ELL2: variants seen among roughly 807,000 people sequenced by gnomAD.
ELL2 encodes RNA polymerase II elongation factor ELL2.
In ELL2, 21 loss-of-function variants were observed where a neutral mutation model predicts 72.8. The observed-to-expected ratio is 0.29, with a 90% CI of 0.20 to 0.42. The LOEUF is 0.42. Among genes scored for constraint, ELL2 ranks in the 10% least tolerant of loss-of-function variants. ELL2 has a pLI of 1.00. For missense variants in ELL2, 568 were observed against 772.8 expected (o/e 0.73, Z 3.14); for synonymous variants, 266 against 283.2 (o/e 0.94, Z 0.61).
Position 95,888,366 on chromosome 5 carries a change from G to A in ELL2, c.*505C>T, listed in dbSNP as rs2112260922. On this transcript the variant is annotated 3_prime_UTR_variant, in exon 12 of 12. Coordinates refer to ENST00000237853, the MANE Select transcript of ELL2 (RefSeq NM_012081.6). ...CTATTTTTTAACCCTCCAAGACAAT[G>A]TTTATTTTTTTAATTTTGTGCAAAT... 1 of 152,770 alleles carries A rather than the reference G, an allele frequency of 6.5e-6. No homozygotes were observed. The highest frequency in any genetic ancestry group is 2.1e-4 in the South Asian group (1 of 4,820). 9.5% of individuals were successfully genotyped at this position (152,770 alleles called of 1,614,324 possible).
chr5:95,902,370 A>G (rs984845289), intron 5 of ELL2, among the ~76,000 whole-genome samples: 12 of 152,238 alleles, frequency 7.9e-5, no homozygotes, highest in African/African-American at 2.9e-4. Context: ...AATTACTGTT[A>G]TTAGTCAGCC....
intron 1 of ELL2, among the ~76,000 whole-genome samples, chr5:95,956,156 A>T (rs1053684596): frequency 6.6e-6 from 1 of 152,076 alleles, no homozygotes; most frequent in African/African-American, 2.4e-5. Flanking sequence ...ACATGTTCCA[A>T]TCCTTCACAT....
chr5:95,934,962 T>C (rs1750723408), intron 2 of ELL2, among the ~76,000 whole-genome samples: 1 of 152,202 alleles, frequency 6.6e-6, no homozygotes, highest in Non-Finnish European at 1.5e-5. Flanking sequence ...CATATTTGTT[T>C]CTGCAAAATA....
intron 2 of ELL2, among the ~76,000 whole-genome samples, chr5:95,925,992 T>C (rs576357356): frequency 7.9e-4 from 121 of 152,314 alleles, no homozygotes; most frequent in Middle Eastern, 3.4e-3. Flanking sequence ...CCTTAAAATC[T>C]AGAAAATATA....
At chr5:95,922,890 G>A (rs1405580091) in intron 2 of ELL2, among the ~76,000 whole-genome samples, 3 of 152,196 alleles carry the variant, frequency 2.0e-5, no homozygotes, top group South Asian at 2.1e-4. Flanking sequence ...TTAAAACAGT[G>A]GTTCTTAACA....
intron 1 of ELL2, among the ~76,000 whole-genome samples, chr5:95,950,027 ATAGT>A (rs1751315715): frequency 6.6e-6 from 1 of 152,184 alleles, no homozygotes; most frequent in South Asian, 2.1e-4. Context: ...AGCATTTTAT[ATAGT>A]TAGTCTTTCC....
At position 95,922,071 on chromosome 5, in the gene ELL2, A is replaced by ATT. The variant is rs11372862; in HGVS notation, c.196-2528_196-2527dup. ...TCCCATCTGGTAGACTCTAAATTGC[A>ATT]TTTTTTTTTTTTGAGACGTAATCTC... On this transcript the variant is annotated intron_variant, in intron 2 of 11. Transcript: ENST00000237853. 7.7e-4 allele frequency among the ~76,000 whole-genome samples: 113 copies of ATT among 147,346 alleles called. 1 individual carries two copies. Among genetic ancestry groups the ATT allele is most frequent in the African/African-American group, 1.7e-3 (70 of 40,252 alleles).
At chr5:95,948,891 T>C (rs1448451875) in intron 1 of ELL2, among the ~76,000 whole-genome samples, 3 of 152,232 alleles carry the variant, frequency 2.0e-5, no homozygotes, top group African/African-American at 7.2e-5. Flanking sequence ...ATAAAAGTGA[T>C]GGTTTGCAGT....
rs201734011 is a variant in ELL2, at chr5:95,927,766, C to T, written c.196-8221G>A. On this transcript the variant is annotated intron_variant, in intron 2 of 11. Coordinates refer to ENST00000237853, the MANE Select transcript of ELL2 (RefSeq NM_012081.6). ...ACACATATGTGTGTATATAGACATA[C>T]ACACACACATATGTGTGTATATAGA... Among the ~76,000 whole-genome samples, 3 of 51,940 alleles carry T rather than the reference C, an allele frequency of 5.8e-5. 1 individual carries two copies. The highest frequency in any genetic ancestry group is 9.4e-5 in the Non-Finnish European group (3 of 32,084). 34.1% of individuals were successfully genotyped at this position (51,940 alleles called of 152,430 possible). A position where few individuals can be genotyped will look rare whatever the true frequency, so the allele number is the denominator to read the frequency against.
chr5:95,944,426 G>A (rs913642922), intron 1 of ELL2, among the ~76,000 whole-genome samples: 1 of 152,346 alleles, frequency 6.6e-6, no homozygotes, highest in East Asian at 1.9e-4. Context: ...ATTTATTGGT[G>A]TGGGAGAAGT....
At chr5:95,904,081 A>C (rs943057500) in intron 5 of ELL2, among the ~76,000 whole-genome samples, 1 of 152,178 alleles carries the variant, frequency 6.6e-6, no homozygotes. Flanking sequence ...ATGCAGTCTA[A>C]ATGCAGTCTA....
chr5:95,924,191 GTCC>G (rs1750203184), intron 2 of ELL2, among the ~76,000 whole-genome samples: 1 of 152,176 alleles, frequency 6.6e-6, no homozygotes, highest in African/African-American at 2.4e-5. Flanking sequence ...ATATGCGTCA[GTCC>G]CCTCTGATAT....
At position 95,913,390 on chromosome 5, in the gene ELL2, T is replaced by C. The variant is rs542198250; in HGVS notation, c.481+381A>G. The stretch of plus-strand genomic sequence containing the variant: ...TAAATTCTACTAATAGATTTTACTA[T>C]AAAAATAGCCCTACAAAAAGGCAAA... On this transcript the variant is annotated intron_variant, in intron 4 of 11. Coordinates refer to ENST00000237853, the MANE Select transcript of ELL2 (RefSeq NM_012081.6). 1.6e-4 allele frequency: 25 copies of C among 156,216 alleles called. No individual in the cohort carries two copies. In the South Asian group the frequency reaches 3.1e-3, roughly 19 times the overall value. 9.7% of individuals were successfully genotyped at this position (156,216 alleles called of 1,614,324 possible). A position where few individuals can be genotyped will look rare whatever the true frequency, so the allele number is the denominator to read the frequency against.
At chr5:95,934,302 C>T (rs1361851400) in intron 2 of ELL2, among the ~76,000 whole-genome samples, 1 of 152,114 alleles carries the variant, frequency 6.6e-6, no homozygotes, top group African/African-American at 2.4e-5. Flanking sequence ...CCTATGGCTG[C>T]TTAGGTACCA....
intron 1 of ELL2, among the ~76,000 whole-genome samples, chr5:95,953,727 C>A (rs1276671308): frequency 6.6e-6 from 1 of 152,122 alleles, no homozygotes; most frequent in Non-Finnish European, 1.5e-5. Flanking sequence ...ATAAAGGAAT[C>A]AAAACACCAA....
chr5:95,942,958 G>A lies in ELL2; in HGVS notation c.195+44C>T, dbSNP rs750426768. On this transcript the variant is annotated intron_variant, in intron 2 of 11. Coordinates refer to ENST00000237853, the MANE Select transcript of ELL2 (RefSeq NM_012081.6). The stretch of plus-strand genomic sequence containing the variant: ...ACGGATTTTAAAAGTTGAATAGCGT[G>A]CAAGAACATTAGATTTGTTTGTTAA... The A allele has an allele frequency of 3.4e-6, 5 of 1,473,502 alleles. No homozygotes were observed. The African/African-American group carries it at 5.8e-5, about 17-fold the overall frequency. The allele number at this position is 1,473,502 out of a possible 1,614,324, so 91.3% of individuals were successfully genotyped here.
At position 95,898,102 on chromosome 5, in the gene ELL2, A is replaced by C. The variant is rs1326599315; in HGVS notation, c.1525+138T>G. 3.4e-5 allele frequency: 25 copies of C among 725,952 alleles called. No homozygotes were observed. The East Asian group carries it at 7.1e-4, about 21-fold the overall frequency. The allele number at this position is 725,952 out of a possible 1,614,324, so 45.0% of individuals were successfully genotyped here. A position where few individuals can be genotyped will look rare whatever the true frequency, so the allele number is the denominator to read the frequency against. On this transcript the variant is annotated intron_variant, in intron 8 of 11. Coordinates refer to ENST00000237853, the MANE Select transcript of ELL2 (RefSeq NM_012081.6). ...AACTGCTGTAAAATGAAAAAAAAAA[A>C]AAAAAACTGCTCAAAAGCACAACAC... is the stretch of plus-strand genomic sequence containing the variant.
chr5:95,918,803 TAC>T (rs1173275138), intron 3 of ELL2, among the ~76,000 whole-genome samples: 2 of 151,754 alleles, frequency 1.3e-5, no homozygotes, highest in Non-Finnish European at 2.9e-5. Flanking sequence ...GCTTATTGTT[TAC>T]AGAGGATCTA....
chr5:95,899,276 A>G (rs1026975950), intron 7 of ELL2, among the ~76,000 whole-genome samples: 4 of 152,218 alleles, frequency 2.6e-5, no homozygotes, highest in African/African-American at 9.6e-5. Context: ...TGTGAGAACT[A>G]ACACAGCTAG....
Sources: gnomAD v4.1 joint callset for allele counts (sites outside exome capture counted in the v4.1 genomes callset) on GRCh38, gnomAD v4.1.1 for gene constraint, MANE v1.5 for transcripts, NCBI Gene and HGNC (gene_info 2026-07-23, HGNC 2026-07-21) for gene names.